KCNIP1: variants seen among roughly 807,000 people sequenced by gnomAD.
KCNIP1 encodes potassium voltage-gated channel interacting protein 1.
In KCNIP1, 18 loss-of-function variants were observed where a neutral mutation model predicts 33.0. The observed-to-expected ratio is 0.55, with a 90% CI of 0.38 to 0.81. The LOEUF is 0.81. KCNIP1 is among the 30% of genes least tolerant of loss of function. KCNIP1 has a pLI of 0.00. For missense variants in KCNIP1, 238 were observed against 271.6 expected, an observed-to-expected ratio of 0.88 and a Z score of 0.87; for synonymous variants, 93 against 98.3, an observed-to-expected ratio of 0.95 and a Z score of 0.32.
chr5:170,377,699 A>C (rs1764063135), intron 1 of KCNIP1: 1 of 151,962 alleles, frequency 6.6e-6, no homozygotes, highest in South Asian at 2.1e-4. Context: ...CAGCCTCCTG[A>C]GTAGCTGGGA....
At chr5:170,443,034 C>T (rs538526284) in intron 1 of KCNIP1, among the ~76,000 whole-genome samples, 1 of 152,178 alleles carries the variant, frequency 6.6e-6, no homozygotes. Context: ...GTGGGCAAAC[C>T]CACCTTGGCC....
chr5:170,638,113 G>A (rs915826263), intron 1 of KCNIP1, among the ~76,000 whole-genome samples: 8 of 152,102 alleles, frequency 5.3e-5, no homozygotes, highest in Admixed American at 2.0e-4. Flanking sequence ...AAGAGGGCCT[G>A]GCATTGCCAG....
At position 170,535,462 on chromosome 5, in the gene KCNIP1, C is replaced by A. The variant is rs113287662; in HGVS notation, c.61+30829C>A. 8.0e-4 allele frequency among the ~76,000 whole-genome samples: 121 copies of A among 152,052 alleles called. 1 individual carries two copies. Among genetic ancestry groups the A allele is most frequent in the African/African-American group, 2.8e-3 (115 of 41,320 alleles). On this transcript the variant is annotated intron_variant, in intron 1 of 7. Transcript: ENST00000328939. ...AGTGTACATTTATTTGCTTCTCCAACAACAACAACAATATCTAGGTGTGCA... is the reference window on the plus strand; with the variant it reads ...AGTGTACATTTATTTGCTTCTCCAAAAACAACAACAATATCTAGGTGTGCA...
intron 1 of KCNIP1, among the ~76,000 whole-genome samples, chr5:170,403,340 G>A (rs528797774): frequency 2.0e-5 from 3 of 152,354 alleles, no homozygotes; most frequent in Non-Finnish European, 2.9e-5. Context: ...GGAAAAATAC[G>A]AGAAACATAA....
At chr5:170,648,698 T>A (rs958978190) in intron 1 of KCNIP1, among the ~76,000 whole-genome samples, 1 of 152,202 alleles carries the variant, frequency 6.6e-6, no homozygotes, top group Non-Finnish European at 1.5e-5. Context: ...TATGTCGTAA[T>A]TCATTTGTCA....
At chr5:170,414,311 T>C (rs1189847055) in intron 1 of KCNIP1, among the ~76,000 whole-genome samples, 1 of 152,238 alleles carries the variant, frequency 6.6e-6, no homozygotes, top group African/African-American at 2.4e-5. Context: ...TCCTTACATA[T>C]TTTAAGGTCA....
intron 1 of KCNIP1, among the ~76,000 whole-genome samples, chr5:170,471,939 C>T (rs929900909): frequency 1.3e-5 from 2 of 152,208 alleles, no homozygotes; most frequent in African/African-American, 4.8e-5. Context: ...TCAGAGGCCT[C>T]CTGGCAGCCA....
At chr5:170,546,539 C>T (rs1756414628) in intron 1 of KCNIP1, among the ~76,000 whole-genome samples, 1 of 152,208 alleles carries the variant, frequency 6.6e-6, no homozygotes, top group African/African-American at 2.4e-5. Context: ...GGGCCAATGC[C>T]AGTCCTCAAC....
chr5:170,496,999 G>T (rs765403210), intron 1 of KCNIP1, among the ~76,000 whole-genome samples: 15 of 152,190 alleles, frequency 9.9e-5, no homozygotes, highest in African/African-American at 1.4e-4. Flanking sequence ...AGCAGCAGAG[G>T]TAGAGAGGGA....
intron 1 of KCNIP1, among the ~76,000 whole-genome samples, chr5:170,715,908 G>A (rs554719366): frequency 6.6e-6 from 1 of 152,286 alleles, no homozygotes; most frequent in Non-Finnish European, 1.5e-5. Flanking sequence ...CTCCCCACGG[G>A]TTCACGCTCT....
intron 1 of KCNIP1, among the ~76,000 whole-genome samples, chr5:170,523,975 T>C (rs533838020): frequency 9.2e-5 from 14 of 152,270 alleles, no homozygotes; most frequent in African/African-American, 2.4e-4. Context: ...AGATGTGTCT[T>C]GGCTCCTGCC....
intron 1 of KCNIP1, chr5:170,486,303 C>T (rs1757093300): frequency 1.3e-5 from 2 of 152,214 alleles, no homozygotes; most frequent in Admixed American, 1.3e-4. Flanking sequence ...TCAGGGATTC[C>T]AGTGTCACCT....
intron 1 of KCNIP1, among the ~76,000 whole-genome samples, chr5:170,605,565 C>T (rs1353034120): frequency 6.6e-6 from 1 of 152,188 alleles, no homozygotes; most frequent in East Asian, 1.9e-4. Flanking sequence ...GCCCCGTATT[C>T]ACTAAGAAGC....
intron 1 of KCNIP1, among the ~76,000 whole-genome samples, chr5:170,570,677 G>A (rs1358209706): frequency 1.3e-5 from 2 of 152,260 alleles, no homozygotes; most frequent in South Asian, 2.1e-4. Context: ...GTGGCCCCGT[G>A]CCAGGCGGCG....
At chr5:170,615,659 G>A (rs557431696) in intron 1 of KCNIP1, among the ~76,000 whole-genome samples, 33 of 152,264 alleles carry the variant, frequency 2.2e-4, no homozygotes, top group Non-Finnish European at 3.7e-4. Context: ...ACTTGCCATG[G>A]TAACAGAGGA....
Position 170,429,141 on chromosome 5 carries a change from C to T in KCNIP1, c.88+75177C>T, listed in dbSNP as rs201455419. On this transcript the variant is annotated intron_variant, in intron 1 of 7. Transcript: ENST00000377360. Reference sequence around the variant, plus strand: ...TCTCCCACTGAGCCCAAGGTGCTTTCCTGGTAACTTCTCTTTGACCCAGTC... The same window carrying T: ...TCTCCCACTGAGCCCAAGGTGCTTTTCTGGTAACTTCTCTTTGACCCAGTC... Among the ~76,000 whole-genome samples the T allele has an allele frequency of 3.3e-5, 5 of 152,104 alleles. No individual in the cohort carries two copies. The East Asian group carries it at 9.6e-4, about 29-fold the overall frequency.
At chr5:170,457,794 C>A (rs993365046) in intron 1 of KCNIP1, among the ~76,000 whole-genome samples, 2 of 152,092 alleles carry the variant, frequency 1.3e-5, no homozygotes, top group Non-Finnish European at 2.9e-5. Context: ...TTCCTTAATA[C>A]CCCCCAAAAA....
intron 1 of KCNIP1, among the ~76,000 whole-genome samples, chr5:170,595,644 C>T (rs1477659897): frequency 1.3e-5 from 2 of 152,224 alleles, no homozygotes; most frequent in Non-Finnish European, 2.9e-5. Context: ...ACCTATTGAT[C>T]ACCTGTGTTA....
chr5:170,722,842 G>T (rs1368165803), intron 5 of KCNIP1, 22 bp downstream of exon 5: 1 of 1,472,392 alleles, frequency 6.8e-7, no homozygotes, highest in Admixed American at 1.7e-5. Context: ...GGGGCCAGGG[G>T]TGTGAGAGGG....
Sources: allele counts gnomAD v4.1 joint callset (sites outside exome capture counted in the v4.1 genomes callset), GRCh38; gene constraint gnomAD v4.1.1; transcripts MANE v1.5; gene names NCBI Gene and HGNC (gene_info 2026-07-23, HGNC 2026-07-21).